NTNG1: variants seen among roughly 807,000 people sequenced by gnomAD.
The protein encoded by NTNG1 is netrin G1.
Under a neutral mutation model 54.0 loss-of-function variants are expected in NTNG1, and 16 were observed. That is an observed-to-expected ratio of 0.30 (90% CI 0.20 to 0.45). The LOEUF (loss-of-function observed/expected upper bound fraction) is 0.45. Ranked by LOEUF, NTNG1 falls within the 20% of genes least tolerant of loss-of-function variation. The pLI, the probability that NTNG1 is intolerant of heterozygous loss-of-function variation, is 1.00. For synonymous variants in NTNG1, 255 were observed against 263.1 expected (o/e 0.97, Z 0.30); for missense variants, 530 against 678.7 (o/e 0.78, Z 2.43).
intron 7 of NTNG1, among the ~76,000 whole-genome samples, chr1:107,451,719 G>T (rs1476332529): frequency 2.0e-5 from 3 of 152,132 alleles, no homozygotes; most frequent in Non-Finnish European, 4.4e-5. Flanking sequence ...GAGAGACCTT[G>T]GTTTGAGAGG....
intron 2 of NTNG1, among the ~76,000 whole-genome samples, chr1:107,315,536 T>A (rs770453948): frequency 6.6e-6 from 1 of 152,110 alleles, no homozygotes; most frequent in Non-Finnish European, 1.5e-5. Flanking sequence ...CTCATTACAT[T>A]CCAGGAACAA....
chr1:107,393,539 T>A (rs114327542), intron 3 of NTNG1, among the ~76,000 whole-genome samples: 40 of 152,134 alleles, frequency 2.6e-4, no homozygotes, highest in African/African-American at 8.9e-4. Flanking sequence ...TGTGTCTAAG[T>A]TGAACAAGCT....
chr1:107,409,235 A>G (rs3790685), intron 5 of NTNG1: 1 of 152,292 alleles, frequency 6.6e-6, no homozygotes, highest in African/African-American at 2.4e-5. Flanking sequence ...GGCCTTGACA[A>G]TTGCATTTGC....
In NTNG1 at chr1:107,234,502, G is replaced by A. The variant is rs115305451; in HGVS notation, c.246+85663G>A. 2.6e-3 allele frequency among the ~76,000 whole-genome samples: 394 copies of A among 152,170 alleles called. 1 individual carries two copies. Among genetic ancestry groups the A allele is most frequent in the African/African-American group, 8.7e-3 (361 of 41,514 alleles). ...TTATTGAGTGCTTACTCTGTGGCAA[G>A]CACTGTTCTAAATACTACATATGTT... On this transcript the variant is annotated intron_variant, in intron 2 of 7. Coordinates refer to ENST00000370068, the MANE Select transcript of NTNG1 (RefSeq NM_001113226.3).
At position 107,324,689 on chromosome 1, in the gene NTNG1, C is replaced by T; in HGVS notation, c.654C>T (p.Ser218=). Residue 218 remains serine (S), a synonymous_variant, in exon 3 of 8, where the codon AGC becomes AGT. Coordinates refer to ENST00000370068, the MANE Select transcript of NTNG1 (RefSeq NM_001113226.3). ...ACTCAACAGGGTATACAACAAATAG[C>T]AAAATAATCCACTTTGAAATCAAAG... ...EEYSTGYTTN[S]KIIHFEIKDR... is the part of the protein sequence containing the mutation. The T allele has an allele frequency of 6.2e-7, 1 of 1,613,516 alleles. No individual in the cohort carries two copies. Among genetic ancestry groups the T allele is most frequent in the South Asian group, 1.1e-5 (1 of 91,070 alleles).
At chr1:107,256,353 A>G (rs1041233404) in intron 2 of NTNG1, among the ~76,000 whole-genome samples, 60 of 152,328 alleles carry the variant, frequency 3.9e-4, no homozygotes, top group African/African-American at 1.4e-3. Flanking sequence ...GGACTCATTC[A>G]TTCAGTCAGT....
intron 2 of NTNG1, among the ~76,000 whole-genome samples, chr1:107,322,873 C>G (rs1336545255): frequency 6.6e-6 from 1 of 152,008 alleles, no homozygotes; most frequent in South Asian, 2.1e-4. Flanking sequence ...TCTCCAAAAC[C>G]TGTTGCCAAC....
chr1:107,369,242 T>C (rs1670778152), intron 3 of NTNG1, among the ~76,000 whole-genome samples: 1 of 152,172 alleles, frequency 6.6e-6, no homozygotes, highest in Admixed American at 6.5e-5. Context: ...TGGGCATATA[T>C]TTTCTTTGAG....
rs891222232 is a variant in NTNG1, at chr1:107,482,335, A to T, written c.*1495A>T. On this transcript the variant is annotated 3_prime_UTR_variant, in exon 8 of 8. Coordinates refer to ENST00000370068, the MANE Select transcript of NTNG1 (RefSeq NM_001113226.3). ...ATTCAGACTTAAGTATTTAGAGGAAATATCAAAATATAAAGCAGCAAGTAG... is the reference window on the plus strand; with the variant it reads ...ATTCAGACTTAAGTATTTAGAGGAATTATCAAAATATAAAGCAGCAAGTAG... 2 of 152,238 alleles carry T rather than the reference A, an allele frequency of 1.3e-5. No individual in the cohort carries two copies. Among genetic ancestry groups the T allele is most frequent in the African/African-American group, 4.8e-5 (2 of 41,462 alleles). The allele number at this position is 152,238 out of a possible 1,614,324, so 9.4% of individuals were successfully genotyped here.
At position 107,142,465 on chromosome 1, in the gene NTNG1, G is replaced by A. The variant is rs562083231; in HGVS notation, c.-526+1325G>A. ...ATCAGGTACAGATTTCCAGTGAGTAGACGGTCCTCCTCTCTCACCCATTCT... is the reference window on the plus strand; with the variant it reads ...ATCAGGTACAGATTTCCAGTGAGTAAACGGTCCTCCTCTCTCACCCATTCT... On this transcript the variant is annotated intron_variant, in intron 1 of 7. Transcript: ENST00000370068. Among the ~76,000 whole-genome samples the A allele has an allele frequency of 4.6e-5, 7 of 152,140 alleles. No homozygotes were observed. The East Asian group carries it at 1.4e-3, about 29-fold the overall frequency.
intron 2 of NTNG1, among the ~76,000 whole-genome samples, chr1:107,228,777 C>T (rs933997818): frequency 6.6e-6 from 1 of 152,120 alleles, no homozygotes; most frequent in African/African-American, 2.4e-5. Context: ...GTAAGAAAGA[C>T]CTGAGTCACC....
intron 3 of NTNG1, among the ~76,000 whole-genome samples, chr1:107,340,732 A>C (rs1668853748): frequency 6.6e-6 from 1 of 152,102 alleles, no homozygotes; most frequent in South Asian, 2.1e-4. Flanking sequence ...GTTTACATAG[A>C]GAGGCAACAG....
intron 3 of NTNG1, among the ~76,000 whole-genome samples, chr1:107,370,139 G>A (rs1193716563): frequency 3.3e-5 from 5 of 151,326 alleles, no homozygotes; most frequent in Non-Finnish European, 7.4e-5. Flanking sequence ...TTGAAATCAG[G>A]TAGTGTTAAT....
chr1:107,451,384 G>A (rs1676619056), intron 7 of NTNG1, among the ~76,000 whole-genome samples: 1 of 152,024 alleles, frequency 6.6e-6, no homozygotes, highest in South Asian at 2.1e-4. Flanking sequence ...AAGGCACTGA[G>A]GAACAGAGGA....
chr1:107,373,528 C>T (rs1187848914), intron 3 of NTNG1, among the ~76,000 whole-genome samples: 1 of 149,762 alleles, frequency 6.7e-6, no homozygotes, highest in Admixed American at 6.7e-5. Flanking sequence ...TTCTTGTTCT[C>T]TTCATTCCTT....
intron 2 of NTNG1, among the ~76,000 whole-genome samples, chr1:107,218,924 G>A (rs1396423152): frequency 6.6e-6 from 1 of 152,046 alleles, no homozygotes; most frequent in African/African-American, 2.4e-5. Flanking sequence ...TGTTCTTTGA[G>A]CTTCTTGTAC....
chr1:107,273,003 C>T (rs1664239576), intron 2 of NTNG1, among the ~76,000 whole-genome samples: 2 of 152,172 alleles, frequency 1.3e-5, no homozygotes, highest in African/African-American at 4.8e-5. Context: ...AAGCAGCTTA[C>T]TTTCTCTAGG....
Position 107,268,893 on chromosome 1 carries a change from T to A in NTNG1, c.247-55389T>A, listed in dbSNP as rs536238753. On this transcript the variant is annotated intron_variant, in intron 2 of 7. Coordinates refer to ENST00000370068, the MANE Select transcript of NTNG1 (RefSeq NM_001113226.3). Reference sequence around the variant, plus strand: ...CTTCTTTTCTTTATCACATCCAATTTATCAACAGATATATCTAGGAGCCAA... The same window carrying A: ...CTTCTTTTCTTTATCACATCCAATTAATCAACAGATATATCTAGGAGCCAA... 3.3e-5 allele frequency among the ~76,000 whole-genome samples: 5 copies of A among 152,274 alleles called. No individual in the cohort carries two copies. In the South Asian group the frequency reaches 1.0e-3, roughly 32 times the overall value.
At chr1:107,403,000 C>T (rs902934388) in intron 4 of NTNG1, among the ~76,000 whole-genome samples, 2 of 152,116 alleles carry the variant, frequency 1.3e-5, no homozygotes, top group Non-Finnish European at 2.9e-5. Context: ...AGTTATGGCA[C>T]TGTATTAATC....
Sources: gnomAD v4.1 joint callset for allele counts (sites outside exome capture counted in the v4.1 genomes callset) on GRCh38, gnomAD v4.1.1 for gene constraint, MANE v1.5 for transcripts, NCBI Gene and HGNC (gene_info 2026-07-23, HGNC 2026-07-21) for gene names.